ERO1B: variants seen among roughly 807,000 people sequenced by gnomAD.
ERO1B encodes ERO1-like protein beta.
ERO1B carries 49 observed loss-of-function variants against 75.3 expected under a neutral mutation model. The observed-to-expected ratio is 0.65, with a 90% CI of 0.52 to 0.83. The LOEUF is 0.83. Among genes scored for constraint, ERO1B ranks in the 40% least tolerant of loss-of-function variants. The pLI, the probability that ERO1B is intolerant of heterozygous loss-of-function variation, is 0.00. For synonymous variants in ERO1B, 191 were observed against 192.9 expected, an observed-to-expected ratio of 0.99 and a Z score of 0.08; for missense variants, 512 against 560.1, an observed-to-expected ratio of 0.91 and a Z score of 0.87.
intron 10 of ERO1B, among the ~76,000 whole-genome samples, chr1:236,228,865 C>T (rs1664335456): frequency 6.6e-6 from 1 of 152,186 alleles, no homozygotes; most frequent in Non-Finnish European, 1.5e-5. Context: ...ATACTCAAAA[C>T]AGTAAGACTG....
chr1:236,239,484 A>G (rs1213336166), intron 6 of ERO1B, among the ~76,000 whole-genome samples: 1 of 152,140 alleles, frequency 6.6e-6, no homozygotes, highest in African/African-American at 2.4e-5. Context: ...TGGGACATCC[A>G]GAGTGAGCAA....
chr1:236,248,168 AT>A (rs767331833), intron 5 of ERO1B, among the ~76,000 whole-genome samples: 70 of 152,332 alleles, frequency 4.6e-4, no homozygotes, highest in Middle Eastern at 6.8e-3. Flanking sequence ...GTAGACATTC[AT>A]TTGTTGAATG....
chr1:236,265,959 C>G (rs1381432987), intron 2 of ERO1B, among the ~76,000 whole-genome samples: 1 of 152,170 alleles, frequency 6.6e-6, no homozygotes, highest in African/African-American at 2.4e-5. Context: ...AATACTTTCT[C>G]TAATGTAGGG....
chr1:236,236,252 C>T lies in ERO1B; in HGVS notation c.626+26G>A, dbSNP rs567445937. On this transcript the variant is annotated intron_variant, in intron 7 of 15. Transcript: ENST00000354619. ...TCTCCCGACCCTCTATCAGTCGTTC[C>T]TTCTTCCCCCACCCCCTCCAGTTAC... is the stretch of plus-strand genomic sequence containing the variant. 291 of 1,613,082 alleles carry T rather than the reference C, an allele frequency of 1.8e-4. 1 individual carries two copies. The South Asian group carries it at 3.1e-3, about 17-fold the overall frequency.
intron 2 of ERO1B, among the ~76,000 whole-genome samples, chr1:236,257,284 T>C (rs908852300): frequency 6.6e-6 from 1 of 152,186 alleles, no homozygotes; most frequent in Admixed American, 6.5e-5. Context: ...TTCTTTTATA[T>C]AATACACAGA....
In ERO1B at chr1:236,281,704, A is replaced by T; in HGVS notation, c.80T>A (p.Leu27Gln). 1 of 1,495,498 alleles carries T rather than the reference A, an allele frequency of 6.7e-7. No individual in the cohort carries two copies. Among genetic ancestry groups the T allele is most frequent in the South Asian group, 1.3e-5 (1 of 79,870 alleles). 92.6% of individuals were successfully genotyped at this position (1,495,498 alleles called of 1,614,324 possible). Residue 27 changes from leucine to glutamine, a missense_variant, in exon 1 of 16, where the codon CTG becomes CAG. Coordinates refer to ENST00000354619, the MANE Select transcript of ERO1B (RefSeq NM_019891.4). ...AVQLLVTLSF[L>Q]RSVVEAQVTG... ...TACCTGCGCCTCGACGACGCTCCGC[A>T]GGAAGCTCAGGGTGACCAGCAGCTG... is the stretch of plus-strand genomic sequence containing the variant.
At chr1:236,227,142 C>A (rs1412253933) in intron 10 of ERO1B, among the ~76,000 whole-genome samples, 2 of 152,116 alleles carry the variant, frequency 1.3e-5, no homozygotes, top group African/African-American at 2.4e-5. Context: ...TATTTGCTAG[C>A]AGAGAAATAA....
intron 8 of ERO1B, among the ~76,000 whole-genome samples, 184 bp from the exon 9 acceptor site, chr1:236,233,023 AT>A (rs1664451882): frequency 6.6e-6 from 1 of 152,100 alleles, no homozygotes; most frequent in South Asian, 2.1e-4. Flanking sequence ...AGATTTGCAC[AT>A]TTTGGCCAGG....
intron 6 of ERO1B, among the ~76,000 whole-genome samples, chr1:236,239,895 A>G (rs185547521): frequency 2.0e-3 from 128 of 65,054 alleles, no homozygotes; most frequent in East Asian, 7.1e-3. Flanking sequence ...GTGTGTGTAT[A>G]TATATATATA....
At chr1:236,264,536 C>T (rs987477930) in intron 2 of ERO1B, among the ~76,000 whole-genome samples, 2 of 152,056 alleles carry the variant, frequency 1.3e-5, no homozygotes, top group African/African-American at 4.8e-5. Context: ...GAGTAATAGT[C>T]ACTGGAGACT....
At chr1:236,267,003 G>C (rs565927816) in intron 2 of ERO1B, among the ~76,000 whole-genome samples, 1 of 152,176 alleles carries the variant, frequency 6.6e-6, no homozygotes, top group Admixed American at 6.5e-5. Flanking sequence ...TCCTTCTTTT[G>C]TAACAGTCCC....
chr1:236,269,817 T>C, intron 2 of ERO1B, 58 bp downstream of exon 2: 1 of 1,348,654 alleles, frequency 7.4e-7, no homozygotes, highest in Non-Finnish European at 1.0e-6. Flanking sequence ...TTCAAAAGGA[T>C]CATAAAGGTC....
intron 6 of ERO1B, among the ~76,000 whole-genome samples, chr1:236,240,768 C>G (rs1258802371): frequency 2.0e-5 from 3 of 152,068 alleles, no homozygotes; most frequent in African/African-American, 7.2e-5. Context: ...AGCTCACAAT[C>G]TAGCTGGGGA....
intron 1 of ERO1B, among the ~76,000 whole-genome samples, chr1:236,276,912 T>C (rs1422496279): frequency 2.0e-5 from 3 of 152,148 alleles, no homozygotes; most frequent in African/African-American, 2.4e-5. Context: ...GGTGTTTGAA[T>C]CATGGGGGCG....
chr1:236,278,823 A>G (rs1026996944), intron 1 of ERO1B, among the ~76,000 whole-genome samples: 39 of 152,190 alleles, frequency 2.6e-4, no homozygotes, highest in African/African-American at 9.4e-4. Flanking sequence ...GTGTTCAAAA[A>G]TATTTTTCTG....
In ERO1B at chr1:236,279,749, G is replaced by A. The variant is rs535677659; in HGVS notation, c.102+1933C>T. Reference sequence around the variant, plus strand: ...AATCCCAGCTACTTGGGAAGCTGAGGCAGACAGAATTGCTTGAACCTGTGA... The same window carrying A: ...AATCCCAGCTACTTGGGAAGCTGAGACAGACAGAATTGCTTGAACCTGTGA... On this transcript the variant is annotated intron_variant, in intron 1 of 15. Transcript: ENST00000354619. Among the ~76,000 whole-genome samples, 3 of 150,764 alleles carry A rather than the reference G, an allele frequency of 2.0e-5. No individual in the cohort carries two copies. The South Asian group carries it at 6.3e-4, about 32-fold the overall frequency.
intron 1 of ERO1B, among the ~76,000 whole-genome samples, chr1:236,275,965 A>C (rs1007066922): frequency 2.0e-5 from 3 of 152,226 alleles, no homozygotes; most frequent in African/African-American, 7.2e-5. Flanking sequence ...ATTTAAGACA[A>C]GAGATGTCAG....
chr1:236,279,843 CAA>C (rs60949594), intron 1 of ERO1B, among the ~76,000 whole-genome samples: 53,436 of 135,256 alleles, frequency 0.4, 10,473 homozygotes, highest in East Asian at 0.75. Context: ...GACACTATCT[CAA>C]AAAAAAAAAA....
chr1:236,232,728 G>A (rs1664438738), intron 9 of ERO1B, 100 bp downstream of exon 9: 3 of 1,035,216 alleles, frequency 2.9e-6, no homozygotes, highest in African/African-American at 1.7e-5. Context: ...TTAGAAAACA[G>A]GAATACTTTC....
Sources: gnomAD v4.1 joint callset for allele counts (sites outside exome capture counted in the v4.1 genomes callset) on GRCh38, gnomAD v4.1.1 for gene constraint, MANE v1.5 for transcripts, NCBI Gene and HGNC (gene_info 2026-07-23, HGNC 2026-07-21) for gene names.